TMEM177: variants seen among roughly 807,000 people sequenced by gnomAD.
TMEM177 encodes transmembrane protein 177.
A neutral mutation model predicts 14.2 loss-of-function variants in TMEM177; 4 were observed. The observed-to-expected ratio is 0.28, with a 90% CI of 0.14 to 0.64. The LOEUF (loss-of-function observed/expected upper bound fraction) is 0.64. TMEM177 is among the 30% of genes least tolerant of loss of function. TMEM177 has a pLI of 0.82. For missense variants in TMEM177, 344 were observed against 405.2 expected (o/e 0.85, Z 1.30); for synonymous variants, 179 against 174.5 (o/e 1.03, Z -0.20).
chr2:119,691,191 C>T (rs1266796110), downstream of TMEM177, among the ~76,000 whole-genome samples: 1 of 152,186 alleles, frequency 6.6e-6, no homozygotes, highest in Non-Finnish European at 1.5e-5. Context: ...CCAGACCACC[C>T]GGGCTAAGAT....
the TMEM177 span, among the ~76,000 whole-genome samples, chr2:119,721,110 C>T: frequency 6.6e-6 from 1 of 152,210 alleles, no homozygotes; most frequent in Admixed American, 6.5e-5. Context: ...CCATGGATTA[C>T]ACCTGAGTTT....
At chr2:119,688,875 G>A (rs1200674515), downstream of TMEM177, among the ~76,000 whole-genome samples, 1 of 152,184 alleles carries the variant, frequency 6.6e-6, no homozygotes, top group Non-Finnish European at 1.5e-5. Context: ...CCCAGCTGCT[G>A]TTTCTCTCCG....
the TMEM177 span, among the ~76,000 whole-genome samples, chr2:119,709,531 A>C: frequency 3.3e-5 from 5 of 152,226 alleles, no homozygotes; most frequent in East Asian, 9.7e-4. Context: ...AAATGAAATA[A>C]AAATATTAGG....
chr2:119,692,842 G>A, the TMEM177 span, among the ~76,000 whole-genome samples: 1 of 151,946 alleles, frequency 6.6e-6, no homozygotes, highest in South Asian at 2.1e-4. Context: ...GTGTGGTGGT[G>A]GCACCTGTAA....
At chr2:119,713,431 G>A in the TMEM177 span, among the ~76,000 whole-genome samples, 1 of 152,096 alleles carries the variant, frequency 6.6e-6, no homozygotes, top group Non-Finnish European at 1.5e-5. Context: ...GATAATAAAG[G>A]TGACTTGTCA....
the TMEM177 span, among the ~76,000 whole-genome samples, chr2:119,716,222 G>T: frequency 6.6e-6 from 1 of 152,194 alleles, no homozygotes; most frequent in Non-Finnish European, 1.5e-5. Context: ...GCCCGCACTG[G>T]AGACTAGTGT....
chr2:119,705,837 C>T, the TMEM177 span, among the ~76,000 whole-genome samples: 314 of 151,688 alleles, frequency 2.1e-3, no homozygotes, highest in Admixed American at 5.3e-3. Flanking sequence ...TCCACTACAC[C>T]TATCACCTTA....
chr2:119,683,788 T>C (rs1688959835), downstream of TMEM177, among the ~76,000 whole-genome samples: 1 of 152,166 alleles, frequency 6.6e-6, no homozygotes, highest in African/African-American at 2.4e-5. Context: ...GCGCGTGCAT[T>C]GCTCCGCCTT....
chr2:119,707,057 G>A, the TMEM177 span, among the ~76,000 whole-genome samples: 13 of 151,952 alleles, frequency 8.6e-5, no homozygotes, highest in Middle Eastern at 3.4e-3. Flanking sequence ...GACCACAGGC[G>A]CCCACCACAA....
the TMEM177 span, among the ~76,000 whole-genome samples, chr2:119,706,013 A>ATATATTATATAT: frequency 3.8e-5 from 5 of 130,096 alleles, no homozygotes; most frequent in East Asian, 6.5e-4. Context: ...ATTATATATT[A>ATATATTATATAT]TATATATTTA....
the TMEM177 span, among the ~76,000 whole-genome samples, chr2:119,706,094 G>C: frequency 1.3e-5 from 2 of 150,650 alleles, no homozygotes; most frequent in African/African-American, 4.9e-5. Context: ...GCGCAATCTT[G>C]CTCAGTGCAA....
chr2:119,699,117 C>T, the TMEM177 span: 4 of 164,782 alleles, frequency 2.4e-5, no homozygotes, highest in African/African-American at 2.4e-5. Context: ...TGTATTAGTT[C>T]GTTTTCACAC....
chr2:119,693,511 AG>A, the TMEM177 span, among the ~76,000 whole-genome samples: 1 of 152,248 alleles, frequency 6.6e-6, no homozygotes, highest in African/African-American at 2.4e-5. Flanking sequence ...ATGCAGTCTC[AG>A]GCTGGCCTGG....
At chr2:119,689,318 A>C (rs528426768), downstream of TMEM177, among the ~76,000 whole-genome samples, 1 of 152,254 alleles carries the variant, frequency 6.6e-6, no homozygotes, top group South Asian at 2.1e-4. Flanking sequence ...TGACAAGTAC[A>C]CCTGCAGTGA....
At chr2:119,704,619 G>A in the TMEM177 span, among the ~76,000 whole-genome samples, 1 of 152,126 alleles carries the variant, frequency 6.6e-6, no homozygotes, top group Non-Finnish European at 1.5e-5. Flanking sequence ...AAGAAGGGGA[G>A]GAAAGGAGGA....
the TMEM177 span, among the ~76,000 whole-genome samples, chr2:119,718,619 T>C: frequency 1.3e-5 from 2 of 152,244 alleles, no homozygotes; most frequent in African/African-American, 4.8e-5. Flanking sequence ...CCTTACCACG[T>C]GACTAGGTCC....
At chr2:119,718,562 C>T in the TMEM177 span, among the ~76,000 whole-genome samples, 3 of 152,194 alleles carry the variant, frequency 2.0e-5, no homozygotes, top group African/African-American at 7.2e-5. Flanking sequence ...GAATGAGGCT[C>T]ATATTTCAGA....
chr2:119,698,319 G>A, the TMEM177 span, among the ~76,000 whole-genome samples: 1 of 152,282 alleles, frequency 6.6e-6, no homozygotes, highest in African/African-American at 2.4e-5. Flanking sequence ...CTGCACAGTT[G>A]GGGGAAGAAA....
chr2:119,693,674 G>C, the TMEM177 span, among the ~76,000 whole-genome samples: 1 of 152,136 alleles, frequency 6.6e-6, no homozygotes, highest in Non-Finnish European at 1.5e-5. Context: ...CCTGGGGGCA[G>C]AGCCTCTCAA....
Sources: allele counts gnomAD v4.1 joint callset (sites outside exome capture counted in the v4.1 genomes callset), GRCh38; gene constraint gnomAD v4.1.1; transcripts MANE v1.5; gene names NCBI Gene and HGNC (gene_info 2026-07-23, HGNC 2026-07-21).